CRYBG3: variants seen among roughly 807,000 people sequenced by gnomAD.
The protein encoded by CRYBG3 is crystallin beta-gamma domain containing 3.
Under a neutral mutation model 244.2 loss-of-function variants are expected in CRYBG3, and 127 were observed. That is an observed-to-expected ratio of 0.52 (90% CI 0.45 to 0.60). CRYBG3 has a LOEUF of 0.60. CRYBG3 is among the 20% of genes least tolerant of loss of function. The probability of loss-of-function intolerance (pLI) is 0.00; values close to 1 mark genes in which losing one functional copy is unlikely to be tolerated. For missense variants in CRYBG3, 3,325 were observed against 3,442.5 expected (o/e 0.97, Z 0.85); for synonymous variants, 1,132 against 1,195.8 (o/e 0.95, Z 1.10).
intron 2 of CRYBG3, among the ~76,000 whole-genome samples, chr3:97,860,560 A>C (rs901273073): frequency 6.6e-6 from 1 of 152,108 alleles, no homozygotes; most frequent in Non-Finnish European, 1.5e-5. Context: ...TGAATATTGT[A>C]AGTAGAGAGA....
In CRYBG3 at chr3:97,923,343, TA is replaced by T. The variant is rs547633908; in HGVS notation, c.8241+7615del. Among the ~76,000 whole-genome samples the T allele has an allele frequency of 2.8e-4, 43 of 151,600 alleles. 1 individual carries two copies. The South Asian group carries it at 6.7e-3, about 23-fold the overall frequency. On this transcript the variant is annotated intron_variant, in intron 17 of 21. Transcript: ENST00000389622. ...CTTAGAACTTAAAGTATAATAATAATAAAAAAAAGTGTAGAAGAATTTGGTT... is the reference window on the plus strand; with the variant it reads ...CTTAGAACTTAAAGTATAATAATAATAAAAAAAGTGTAGAAGAATTTGGTT...
intron 1 of CRYBG3, among the ~76,000 whole-genome samples, chr3:97,833,384 TA>T (rs2038681540): frequency 6.6e-6 from 1 of 152,074 alleles, no homozygotes; most frequent in South Asian, 2.1e-4. Flanking sequence ...TATACAGCCA[TA>T]AAAAAGATGA....
chr3:97,920,349 C>G (rs1156297549), intron 17 of CRYBG3, among the ~76,000 whole-genome samples: 1 of 152,116 alleles, frequency 6.6e-6, no homozygotes, highest in Non-Finnish European at 1.5e-5. Flanking sequence ...AACATCAGCT[C>G]TTACCTCCAT....
chr3:97,832,428 A>G (rs995606466), intron 1 of CRYBG3, among the ~76,000 whole-genome samples: 1 of 152,142 alleles, frequency 6.6e-6, no homozygotes, highest in African/African-American at 2.4e-5. Flanking sequence ...ATCTACAACC[A>G]TCTGATCATT....
At position 97,874,172 on chromosome 3, in the gene CRYBG3, T is replaced by C; in HGVS notation, c.2978T>C (p.Ile993Thr). Residue 993 changes from isoleucine (I) to threonine (T), a missense_variant, in exon 4 of 22, where the codon ATT becomes ACT. Around this residue, in one of 4 missense-constraint regions of CRYBG3, gnomAD observed 1,526 missense variants for 1,443.2 expected, o/e 1.06. Coordinates refer to ENST00000389622, the MANE Select transcript of CRYBG3 (RefSeq NM_153605.4). The stretch of plus-strand genomic sequence containing the variant: ...ATGGCGGAACTCAGCTTAACTAATA[T>C]TTCCCCTAAATTCCAAGAAACTGGC... ...SEMAELSLTNISPKFQETGSM... is the reference protein window; with the variant it reads ...SEMAELSLTNTSPKFQETGSM... The C allele has an allele frequency of 6.5e-7, 1 of 1,530,706 alleles. No homozygotes were observed. Among genetic ancestry groups the C allele is most frequent in the Non-Finnish European group, 8.7e-7 (1 of 1,145,546 alleles). 94.8% of individuals were successfully genotyped at this position (1,530,706 alleles called of 1,614,324 possible). A position where few individuals can be genotyped will look rare whatever the true frequency, so the allele number is the denominator to read the frequency against.
chr3:97,874,750 C>T lies in CRYBG3; in HGVS notation c.3556C>T (p.His1186Tyr). 2.0e-6 allele frequency: 3 copies of T among 1,535,912 alleles called. No homozygotes were observed. Among genetic ancestry groups the T allele is most frequent in the South Asian group, 1.2e-5 (1 of 84,024 alleles). ...AEHIEARRRA[H>Y]DQLLDLKSSL... Reference sequence around the variant, plus strand: ...GCACATAGAAGCCAGGAGAAGAGCACATGACCAACTTTTGGACCTCAAAAG... The same window carrying T: ...GCACATAGAAGCCAGGAGAAGAGCATATGACCAACTTTTGGACCTCAAAAG... The change falls in exon 4 of 22, where the codon CAT (histidine) becomes TAT (tyrosine). Residue 1186 changes from histidine (H) to tyrosine (Y), a missense_variant. Physicochemically the swap from His to Tyr is moderately conservative, Grantham distance 83. Around this residue, in one of 4 missense-constraint regions of CRYBG3, gnomAD observed 1,526 missense variants for 1,443.2 expected, o/e 1.06. Transcript: ENST00000389622.
At chr3:97,939,618 A>C (rs1292523784) in intron 19 of CRYBG3, among the ~76,000 whole-genome samples, 1 of 152,030 alleles carries the variant, frequency 6.6e-6, no homozygotes. Flanking sequence ...TCTGGTCCTA[A>C]AGTAATTGGA....
Position 97,876,010 on chromosome 3 carries a change from A to G in CRYBG3, c.4816A>G (p.Ile1606Val). 1.6e-6 allele frequency: 2 copies of G among 1,232,122 alleles called. No individual in the cohort carries two copies. Among genetic ancestry groups the G allele is most frequent in the South Asian group, 4.1e-5 (1 of 24,316 alleles). 76.3% of individuals were successfully genotyped at this position (1,232,122 alleles called of 1,614,324 possible). A position where few individuals can be genotyped will look rare whatever the true frequency, so the allele number is the denominator to read the frequency against. Residue 1606 changes from isoleucine to valine, a missense_variant, in exon 4 of 22, where the codon ATT becomes GTT. Coordinates refer to ENST00000389622, the MANE Select transcript of CRYBG3 (RefSeq NM_153605.4). The stretch of plus-strand genomic sequence containing the variant: ...ATACCAAATGGATGCCGAGAGCTGT[A>G]TTGAAAAAACTGAGGGATCAGCTGT... ...EVYQMDAESC[I>V]EKTEGSAVIL... is the part of the protein sequence containing the mutation.
At chr3:97,846,228 TC>T (rs1383382127) in intron 2 of CRYBG3, among the ~76,000 whole-genome samples, 2 of 152,216 alleles carry the variant, frequency 1.3e-5, no homozygotes, top group Non-Finnish European at 2.9e-5. Context: ...TATCTTTGCT[TC>T]TGTGATATTG....
rs1033198221 is a variant in CRYBG3, at chr3:97,944,608, A to T, written c.*1294A>T. On this transcript the variant is annotated 3_prime_UTR_variant, in exon 22 of 22. Transcript: ENST00000389622. The stretch of plus-strand genomic sequence containing the variant: ...AATACTGGGTTTTTTTCCTCCTTCA[A>T]TCTCAGGCTTTTCTCCATCTTTTAA... The T allele has an allele frequency of 6.6e-6, 1 of 152,148 alleles. No homozygotes were observed. Among genetic ancestry groups the T allele is most frequent in the African/African-American group, 2.4e-5 (1 of 41,344 alleles). 9.4% of individuals were successfully genotyped at this position (152,148 alleles called of 1,614,324 possible). A position where few individuals can be genotyped will look rare whatever the true frequency, so the allele number is the denominator to read the frequency against.
rs1042736435 is a variant in CRYBG3, at chr3:97,835,343, G to A, written c.150-7852G>A. Among the ~76,000 whole-genome samples the A allele has an allele frequency of 5.9e-5, 9 of 152,134 alleles. No individual in the cohort carries two copies. The South Asian group carries it at 1.5e-3, about 25-fold the overall frequency. Reference sequence around the variant, plus strand: ...ACCATAATGGAAGTGGTGAGTCTAGGTAGGGTGGATATGAAAGGTGTCTCT... The same window carrying A: ...ACCATAATGGAAGTGGTGAGTCTAGATAGGGTGGATATGAAAGGTGTCTCT... On this transcript the variant is annotated intron_variant, in intron 1 of 21. Coordinates refer to ENST00000389622, the MANE Select transcript of CRYBG3 (RefSeq NM_153605.4).
rs1162751892 is a variant in CRYBG3, at chr3:97,871,893, A to T, written c.699A>T (p.Arg233=). The T allele has an allele frequency of 6.5e-7, 1 of 1,530,878 alleles. No individual in the cohort carries two copies. Among genetic ancestry groups the T allele is most frequent in the Admixed American group, 2.0e-5 (1 of 49,698 alleles). 94.8% of individuals were successfully genotyped at this position (1,530,878 alleles called of 1,614,324 possible). A position where few individuals can be genotyped will look rare whatever the true frequency, so the allele number is the denominator to read the frequency against. Residue 233 remains arginine (R), a synonymous_variant, in exon 4 of 22, where the codon CGA becomes CGT. Coordinates refer to ENST00000389622, the MANE Select transcript of CRYBG3 (RefSeq NM_153605.4). ...EKPSVTYATY[R]GPRHIGKYLK... ...CTTCAGTAACATATGCAACATATCG[A>T]GGCCCAAGACACATTGGGAAATATT...
intron 1 of CRYBG3, 108 bp from the exon 2 acceptor site, chr3:97,843,087 T>A: frequency 4.7e-6 from 3 of 633,352 alleles, no homozygotes; most frequent in Non-Finnish European, 8.1e-6. Flanking sequence ...GTATCAATCT[T>A]TGAGCATTGC....
rs2038510909 is a variant in CRYBG3, at chr3:97,822,266, TC to T, written c.64del (p.Arg22GlufsTer35). ...GGCACAGCTTCTCCCGGTTCTTCGC[TC>T]CCCGAAGTCCTTCCCGGGACAAGGA... ...PWHSFSRFFA[P>X]RSPSRDKEEE... On this transcript the variant is annotated frameshift_variant, in exon 1 of 22. Transcript: ENST00000389622. LOFTEE classifies it high-confidence loss of function. 6.5e-7 allele frequency: 1 copy of T among 1,529,642 alleles called. No homozygotes were observed. Among genetic ancestry groups the T allele is most frequent in the Admixed American group, 2.0e-5 (1 of 50,418 alleles). The allele number at this position is 1,529,642 out of a possible 1,614,324, so 94.8% of individuals were successfully genotyped here.
intron 2 of CRYBG3, among the ~76,000 whole-genome samples, chr3:97,859,687 C>G (rs2039118341): frequency 1.3e-5 from 2 of 152,088 alleles, no homozygotes; most frequent in African/African-American, 4.8e-5. Flanking sequence ...GAACCCAAAT[C>G]CTAGTTTCAC....
chr3:97,878,970 G>A (rs552035887), intron 4 of CRYBG3, among the ~76,000 whole-genome samples: 18 of 152,258 alleles, frequency 1.2e-4, no homozygotes, highest in Admixed American at 1.2e-3. Flanking sequence ...TAAAGATACA[G>A]GATGTCCAAG....
At chr3:97,936,358 G>A (rs566281576) in intron 18 of CRYBG3, among the ~76,000 whole-genome samples, 1 of 152,128 alleles carries the variant, frequency 6.6e-6, no homozygotes, top group African/African-American at 2.4e-5. Context: ...GGAGGGAGGA[G>A]TGGAAGAAGA....
intron 2 of CRYBG3, among the ~76,000 whole-genome samples, chr3:97,854,864 C>T (rs2039042308): frequency 6.6e-6 from 1 of 152,026 alleles, no homozygotes; most frequent in Non-Finnish European, 1.5e-5. Context: ...TGTTTGATTG[C>T]TCTGGCTAGG....
In CRYBG3 at chr3:97,830,106, A is replaced by C. The variant is rs148582819; in HGVS notation, c.149+7751A>C. Among the ~76,000 whole-genome samples, 9 of 152,270 alleles carry C rather than the reference A, an allele frequency of 5.9e-5. 1 individual carries two copies. The highest frequency in any genetic ancestry group is 2.2e-4 in the African/African-American group (9 of 41,534). ...AATAATCATTATAAATGGAAGATTA[A>C]ATAAACCTGTAGATTTCTATGAATA... On this transcript the variant is annotated intron_variant, in intron 1 of 21. Coordinates refer to ENST00000389622, the MANE Select transcript of CRYBG3 (RefSeq NM_153605.4).
Sources: gnomAD v4.1 joint callset for allele counts (sites outside exome capture counted in the v4.1 genomes callset) on GRCh38, gnomAD v4.1.1 for gene constraint, gnomAD v4.1.1 regional missense constraint, MANE v1.5 for transcripts, NCBI Gene and HGNC (gene_info 2026-07-23, HGNC 2026-07-21) for gene names.